Variants in DLG2 observed in about 807,000 individuals in gnomAD.
DLG2 encodes disks large homolog 2.
Under a neutral mutation model 132.5 loss-of-function variants are expected in DLG2, and 45 were observed. The ratio of observed to expected loss-of-function variants is 0.34; its 90% CI spans 0.27 to 0.44. The LOEUF (loss-of-function observed/expected upper bound fraction) is 0.44, where lower values mean the gene tolerates loss of function less well. DLG2 is among the 20% of genes least tolerant of loss of function. The pLI, the probability that DLG2 is intolerant of heterozygous loss-of-function variation, is 1.00. For missense variants in DLG2, 1,045 were observed against 1,196.9 expected (o/e 0.87, Z 1.87); for synonymous variants, 424 against 419.6 (o/e 1.01, Z -0.13).
At chr11:85,463,408 T>C (rs1275485929) in intron 3 of DLG2, among the ~76,000 whole-genome samples, 1 of 152,172 alleles carries the variant, frequency 6.6e-6, no homozygotes, top group Admixed American at 6.5e-5. Flanking sequence ...AGATTCACAA[T>C]AGGTTAGTAC....
intron 6 of DLG2, among the ~76,000 whole-genome samples, chr11:84,567,340 C>T (rs2099460954): frequency 6.6e-6 from 1 of 152,084 alleles, no homozygotes. Context: ...AAGTATGCTA[C>T]TGGATGACGA....
chr11:84,238,653 G>T (rs7101868), intron 8 of DLG2, among the ~76,000 whole-genome samples: 146,540 of 149,572 alleles, frequency 0.98, 71,776 homozygotes, highest in East Asian at 1. Context: ...TTTTTTTTTT[G>T]GAAATAGAGT....
intron 3 of DLG2, among the ~76,000 whole-genome samples, chr11:85,584,948 G>C (rs2078869837): frequency 1.3e-5 from 2 of 152,122 alleles, no homozygotes; most frequent in Non-Finnish European, 1.5e-5. Flanking sequence ...CCACTCTGTG[G>C]GTTGTCTGTT....
chr11:85,453,156 C>A, intron 3 of DLG2: 1 of 291,900 alleles, frequency 3.4e-6, no homozygotes. Context: ...GAATATTTCT[C>A]TTTTCCTTCT....
intron 3 of DLG2, among the ~76,000 whole-genome samples, chr11:85,422,583 T>C (rs991965236): frequency 6.6e-6 from 1 of 152,080 alleles, no homozygotes; most frequent in Non-Finnish European, 1.5e-5. Flanking sequence ...TGTTTCTTTG[T>C]TTTTTGAGAT....
rs183335196 is a variant in DLG2 at position 84,589,578 on chromosome 11, A to C, written c.358-54847T>G. 1.5e-4 allele frequency among the ~76,000 whole-genome samples: 23 copies of C among 152,320 alleles called. No homozygotes were observed. In the East Asian group the frequency reaches 4.1e-3, roughly 27 times the overall value. ...ATATTGAGGGTTAAACATTAAAAAA[A>C]AGAAATTTTAAAAAATGTTATACTT... On this transcript the variant is annotated intron_variant, in intron 6 of 27. Transcript: ENST00000376104.
chr11:84,927,371 G>A (rs979120761), intron 6 of DLG2, among the ~76,000 whole-genome samples: 6 of 151,860 alleles, frequency 4.0e-5, no homozygotes, highest in South Asian at 2.1e-4. Context: ...AAGTTTATAC[G>A]TTAAGGATTC....
intron 11 of DLG2, among the ~76,000 whole-genome samples, chr11:84,005,770 G>A (rs1432068503): frequency 6.6e-6 from 1 of 151,760 alleles, no homozygotes; most frequent in Admixed American, 6.6e-5. Context: ...ACCACAATGA[G>A]ATATCATCTT....
chr11:84,954,556 T>C (rs1410235337), intron 6 of DLG2, among the ~76,000 whole-genome samples: 2 of 152,194 alleles, frequency 1.3e-5, no homozygotes, highest in African/African-American at 2.4e-5. Flanking sequence ...ATAGGCTTTA[T>C]TGAGCAGAGG....
intron 11 of DLG2, among the ~76,000 whole-genome samples, chr11:83,986,985 G>A (rs1177416967): frequency 5.9e-5 from 9 of 152,178 alleles, no homozygotes; most frequent in Non-Finnish European, 1.0e-4. Flanking sequence ...AGTAGGTTGC[G>A]AAAATTTTCT....
chr11:84,629,657 A>G (rs2099628316), intron 6 of DLG2, among the ~76,000 whole-genome samples: 1 of 152,204 alleles, frequency 6.6e-6, no homozygotes, highest in African/African-American at 2.4e-5. Context: ...TACCTGGCCC[A>G]TCTTATTCAT....
At chr11:84,760,404 T>G (rs537613508) in intron 6 of DLG2, among the ~76,000 whole-genome samples, 2 of 152,220 alleles carry the variant, frequency 1.3e-5, no homozygotes, top group Non-Finnish European at 2.9e-5. Context: ...TTTAGTAAAT[T>G]GGCTTCATTA....
chr11:84,032,771 G>A (rs1012572515), intron 11 of DLG2, among the ~76,000 whole-genome samples: 4 of 152,170 alleles, frequency 2.6e-5, no homozygotes, highest in Non-Finnish European at 5.9e-5. Context: ...AGAACACGCT[G>A]ATTCTCCTGG....
chr11:85,032,162 G>A (rs2061060116), intron 6 of DLG2, among the ~76,000 whole-genome samples: 1 of 151,940 alleles, frequency 6.6e-6, no homozygotes, highest in African/African-American at 2.4e-5. Flanking sequence ...GTTTATCAAT[G>A]TTGAAGTAGA....
chr11:83,880,299 T>C (rs1196111429), intron 15 of DLG2, among the ~76,000 whole-genome samples: 2 of 152,262 alleles, frequency 1.3e-5, no homozygotes, highest in East Asian at 3.9e-4. Context: ...AAATCTATAG[T>C]CAGGGAGACT....
At chr11:84,669,460 C>T (rs543434063) in intron 6 of DLG2, among the ~76,000 whole-genome samples, 11 of 152,136 alleles carry the variant, frequency 7.2e-5, no homozygotes, top group Admixed American at 1.3e-4. Flanking sequence ...AAAGTGAACG[C>T]ACTACTATCA....
chr11:85,448,786 T>C (rs2092118409), intron 3 of DLG2, among the ~76,000 whole-genome samples: 2 of 152,162 alleles, frequency 1.3e-5, no homozygotes, highest in Non-Finnish European at 2.9e-5. Context: ...AACAAGTCCA[T>C]TGCCACATCC....
intron 6 of DLG2, among the ~76,000 whole-genome samples, chr11:84,934,507 T>TTTC (rs2048467466): frequency 1.3e-5 from 1 of 76,022 alleles, no homozygotes; most frequent in Non-Finnish European, 2.3e-5. Flanking sequence ...CCTGGGTGTT[T>TTTC]TTTTTTTGTT....
chr11:84,461,189 T>G (rs532564178), intron 7 of DLG2, among the ~76,000 whole-genome samples: 8 of 150,944 alleles, frequency 5.3e-5, no homozygotes, highest in Non-Finnish European at 1.2e-4. Flanking sequence ...GCTCACCTTC[T>G]TCCAAGCCTA....
Sources: gnomAD v4.1 joint callset for allele counts (sites outside exome capture counted in the v4.1 genomes callset) on GRCh38, gnomAD v4.1.1 for gene constraint, MANE v1.5 for transcripts, NCBI Gene and HGNC (gene_info 2026-07-23, HGNC 2026-07-21) for gene names.